The following AKAP6 variants were observed in gnomAD, a reference collection of about 807,000 sequenced individuals.
The protein encoded by AKAP6 is A-kinase anchor protein 6.
Under a neutral mutation model 188.5 loss-of-function variants are expected in AKAP6, and 58 were observed. The observed-to-expected ratio is 0.31, with a 90% CI of 0.25 to 0.38. The LOEUF is 0.38. AKAP6 is among the 10% of genes least tolerant of loss of function. The pLI is 1.00. For missense variants in AKAP6, 2,710 were observed against 2,740.0 expected, an observed-to-expected ratio of 0.99 and a Z score of 0.24; for synonymous variants, 989 against 998.6, an observed-to-expected ratio of 0.99 and a Z score of 0.18.
chr14:32,776,300 C>G (rs1159614883), intron 12 of AKAP6, among the ~76,000 whole-genome samples: 2 of 152,034 alleles, frequency 1.3e-5, no homozygotes, highest in African/African-American at 4.8e-5. Flanking sequence ...GGTGGTTTCC[C>G]CCATACTGTT....
chr14:32,762,639 T>A (rs1341498239), intron 11 of AKAP6, among the ~76,000 whole-genome samples: 1 of 152,090 alleles, frequency 6.6e-6, no homozygotes. Flanking sequence ...GAAATGCCCC[T>A]TTCCAAGTAA....
intron 7 of AKAP6, among the ~76,000 whole-genome samples, chr14:32,639,181 T>C (rs1005318606): frequency 6.6e-6 from 1 of 152,136 alleles, no homozygotes; most frequent in African/African-American, 2.4e-5. Context: ...CTGAAGATGA[T>C]TAAAGGAGTT....
intron 4 of AKAP6, among the ~76,000 whole-genome samples, chr14:32,570,113 C>T (rs1433667304): frequency 7.1e-6 from 1 of 140,646 alleles, no homozygotes; most frequent in South Asian, 2.3e-4. Flanking sequence ...TATATTGTGA[C>T]TGTGTGGGAA....
At chr14:32,594,243 G>A (rs1280246942) in intron 5 of AKAP6, among the ~76,000 whole-genome samples, 1 of 152,096 alleles carries the variant, frequency 6.6e-6, no homozygotes, top group Non-Finnish European at 1.5e-5. Flanking sequence ...TCAGACCATG[G>A]TAACTCCAAG....
intron 2 of AKAP6, among the ~76,000 whole-genome samples, chr14:32,439,551 T>C (rs1372441443): frequency 6.6e-6 from 1 of 152,002 alleles, no homozygotes; most frequent in Non-Finnish European, 1.5e-5. Flanking sequence ...GTTCAGCAGG[T>C]GCAAAAGGGA....
chr14:32,583,972 C>T (rs1032018203), intron 5 of AKAP6, among the ~76,000 whole-genome samples: 9 of 152,204 alleles, frequency 5.9e-5, no homozygotes, highest in African/African-American at 1.7e-4. Context: ...GCGCACGGTG[C>T]GCTGCACCCA....
intron 12 of AKAP6, among the ~76,000 whole-genome samples, chr14:32,803,530 G>A (rs1053539842): frequency 6.6e-6 from 1 of 152,062 alleles, no homozygotes; most frequent in African/African-American, 2.4e-5. Flanking sequence ...TCCCAGAGTC[G>A]AGCTCAAATA....
intron 2 of AKAP6, among the ~76,000 whole-genome samples, chr14:32,450,237 T>C (rs1424835027): frequency 1.3e-5 from 2 of 152,290 alleles, no homozygotes; most frequent in Non-Finnish European, 1.5e-5. Flanking sequence ...GAAATGTTAG[T>C]AGTTCTGATT....
chr14:32,645,773 G>A (rs1038463813), intron 7 of AKAP6, among the ~76,000 whole-genome samples: 2 of 152,222 alleles, frequency 1.3e-5, no homozygotes, highest in African/African-American at 4.8e-5. Flanking sequence ...GAGGATCAGA[G>A]CCTGGCAGGG....
intron 2 of AKAP6, among the ~76,000 whole-genome samples, chr14:32,496,375 T>C (rs546954982): frequency 7.9e-5 from 12 of 152,276 alleles, no homozygotes; most frequent in African/African-American, 2.9e-4. Context: ...TTTTATGATC[T>C]TGAAGTATAC....
intron 11 of AKAP6, among the ~76,000 whole-genome samples, chr14:32,767,658 T>A (rs2032759603): frequency 6.6e-6 from 1 of 152,144 alleles, no homozygotes; most frequent in African/African-American, 2.4e-5. Flanking sequence ...TTGGCCTTTT[T>A]AAATGTGTGC....
intron 11 of AKAP6, among the ~76,000 whole-genome samples, chr14:32,760,923 A>C (rs1163483214): frequency 6.6e-6 from 1 of 152,298 alleles, no homozygotes; most frequent in South Asian, 2.1e-4. Context: ...GCTGTTATGT[A>C]TTGGTTAAAC....
intron 1 of AKAP6, among the ~76,000 whole-genome samples, chr14:32,348,359 G>C (rs10144065): frequency 0.13 from 19,774 of 151,146 alleles, 1,933 homozygotes; most frequent in African/African-American, 0.27. Context: ...GAAGAATGTG[G>C]ATACTGAAGA....
chr14:32,336,260 T>C (rs1169131156), intron 1 of AKAP6, among the ~76,000 whole-genome samples: 1 of 151,728 alleles, frequency 6.6e-6, no homozygotes, highest in Non-Finnish European at 1.5e-5. Flanking sequence ...ACCTGACAAA[T>C]CCAGAAAGGG....
At chr14:32,407,837 G>C (rs2138637603) in intron 1 of AKAP6, among the ~76,000 whole-genome samples, 1 of 152,256 alleles carries the variant, frequency 6.6e-6, no homozygotes, top group Non-Finnish European at 1.5e-5. Flanking sequence ...CAACGTGGAG[G>C]AGAAGGGTTT....
At chr14:32,566,860 TA>T (rs1229152334) in intron 4 of AKAP6, among the ~76,000 whole-genome samples, 1 of 152,216 alleles carries the variant, frequency 6.6e-6, no homozygotes, top group African/African-American at 2.4e-5. Context: ...CGTACTTGAT[TA>T]CACAGCACCT....
At chr14:32,780,416 T>C (rs1437756212) in intron 12 of AKAP6, among the ~76,000 whole-genome samples, 1 of 152,112 alleles carries the variant, frequency 6.6e-6, no homozygotes, top group Non-Finnish European at 1.5e-5. Context: ...GTTGGAGTTA[T>C]GGTCCTATTA....
chr14:32,442,410 C>T (rs1401952588), intron 2 of AKAP6: 1 of 152,186 alleles, frequency 6.6e-6, no homozygotes, highest in Non-Finnish European at 1.5e-5. Context: ...TTGCTTGAGT[C>T]CAGGAGTCCT....
chr14:32,540,133 T>TCG (rs1882859967), intron 3 of AKAP6, among the ~76,000 whole-genome samples: 10 of 62,154 alleles, frequency 1.6e-4, no homozygotes, highest in African/African-American at 1.0e-3. Context: ...GCTCGTGCGC[T>TCG]CTCTCTCTCT....
Sources: gnomAD v4.1 joint callset for allele counts (sites outside exome capture counted in the v4.1 genomes callset) on GRCh38, gnomAD v4.1.1 for gene constraint, MANE v1.5 for transcripts, NCBI Gene and HGNC (gene_info 2026-07-23, HGNC 2026-07-21) for gene names.